Variants in CLYBL observed in about 807,000 individuals in gnomAD.
CLYBL encodes the protein citramalyl-CoA lyase.
In CLYBL, 31 loss-of-function variants were observed where a neutral mutation model predicts 38.9. The observed-to-expected ratio is 0.80, with a 90% confidence interval of 0.60 to 1.08. The LOEUF (loss-of-function observed/expected upper bound fraction) is 1.08, where lower values mean the gene tolerates loss of function less well. CLYBL is among the 50% of genes least tolerant of loss of function. The probability of loss-of-function intolerance (pLI) is 0.00; values close to 1 mark genes in which losing one functional copy is unlikely to be tolerated. For missense variants in CLYBL, 434 were observed against 411.6 expected (o/e 1.05, Z -0.47); for synonymous variants, 171 against 158.6 (o/e 1.08, Z -0.59).
intron 2 of CLYBL, among the ~76,000 whole-genome samples, chr13:99,818,304 T>C (rs1173145130): frequency 6.6e-6 from 1 of 152,092 alleles, no homozygotes; most frequent in Non-Finnish European, 1.5e-5. Context: ...TACTTCTAGC[T>C]CCTGCCCACA....
chr13:99,668,619 A>C (rs1010008752), intron 1 of CLYBL, among the ~76,000 whole-genome samples: 1 of 151,820 alleles, frequency 6.6e-6, no homozygotes, highest in Non-Finnish European at 1.5e-5. Flanking sequence ...AATATTGGCT[A>C]TTTGAGCAAG....
chr13:99,823,134 T>C (rs901659983), intron 2 of CLYBL, among the ~76,000 whole-genome samples: 1 of 152,232 alleles, frequency 6.6e-6, no homozygotes, highest in African/African-American at 2.4e-5. Context: ...TTGCCTTGAA[T>C]TTATTTATTT....
chr13:99,833,016 ATATATATATATATATTTTTTTTT>A (rs1566345707), intron 2 of CLYBL, among the ~76,000 whole-genome samples: 2 of 32,780 alleles, frequency 6.1e-5, no homozygotes, highest in Non-Finnish European at 1.2e-4. Context: ...ACATATATAT[ATATATATATATATATTTTTTTTT>A]TTTTTTTTTT....
intron 1 of CLYBL, among the ~76,000 whole-genome samples, chr13:99,660,797 C>T (rs78611336): frequency 0.011 from 1,607 of 152,086 alleles, 35 homozygotes; most frequent in African/African-American, 0.037. Context: ...ATAATTGTTT[C>T]TTTCAATCAC....
intron 7 of CLYBL, among the ~76,000 whole-genome samples, chr13:99,872,008 A>G (rs1221158777): frequency 6.7e-6 from 1 of 150,032 alleles, no homozygotes; most frequent in African/African-American, 2.5e-5. Flanking sequence ...AAAAAAAAAG[A>G]AAAAGAAAAA....
intron 1 of CLYBL, among the ~76,000 whole-genome samples, chr13:99,731,503 TA>T (rs11305509): frequency 0.6 from 86,069 of 143,300 alleles, 26,254 homozygotes; most frequent in African/African-American, 0.76. Flanking sequence ...CTGCTTATAT[TA>T]AAAAAAAAAA....
chr13:99,833,786 T>C (rs2050874376), intron 2 of CLYBL, among the ~76,000 whole-genome samples: 1 of 146,894 alleles, frequency 6.8e-6, no homozygotes, highest in Non-Finnish European at 1.5e-5. Context: ...AACTCCCTGG[T>C]TCAAGTGCCT....
At chr13:99,683,408 A>G (rs1566608990) in intron 1 of CLYBL, among the ~76,000 whole-genome samples, 1 of 152,132 alleles carries the variant, frequency 6.6e-6, no homozygotes, top group Non-Finnish European at 1.5e-5. Flanking sequence ...TTTTAACTTT[A>G]TGACTCTTTT....
intron 1 of CLYBL, among the ~76,000 whole-genome samples, chr13:99,663,378 C>T (rs1196264051): frequency 6.6e-6 from 1 of 152,192 alleles, no homozygotes; most frequent in Non-Finnish European, 1.5e-5. Flanking sequence ...CAGTAGTTCT[C>T]CCTGAGCAGT....
At chr13:99,684,702 C>T (rs1202615387) in intron 1 of CLYBL, among the ~76,000 whole-genome samples, 1 of 152,070 alleles carries the variant, frequency 6.6e-6, no homozygotes, top group African/African-American at 2.4e-5. Context: ...TCTACCAGTC[C>T]GATGATGCAG....
At position 99,814,951 on chromosome 13, in the gene CLYBL, C is replaced by T. The variant is rs575200649; in HGVS notation, c.249+41941C>T. On this transcript the variant is annotated intron_variant, in intron 2 of 8. Coordinates refer to ENST00000339105, the MANE Select transcript of CLYBL (RefSeq NM_206808.5). ...GAAGCTGAGGCAGGAGAATGGAGCC[C>T]AGGAGGTCAAGACTGCGGTGAGCCA... Among the ~76,000 whole-genome samples the T allele has an allele frequency of 1.6e-4, 24 of 152,100 alleles. No homozygotes were observed. In the South Asian group the frequency reaches 4.8e-3, roughly 30 times the overall value.
At chr13:99,767,351 GCTTA>G (rs2049289224) in intron 1 of CLYBL, among the ~76,000 whole-genome samples, 1 of 152,160 alleles carries the variant, frequency 6.6e-6, no homozygotes, top group Non-Finnish European at 1.5e-5. Context: ...ACTAAAGCCA[GCTTA>G]CTTCTATGCC....
At chr13:99,775,668 C>A (rs890636572) in intron 2 of CLYBL, among the ~76,000 whole-genome samples, 1 of 151,946 alleles carries the variant, frequency 6.6e-6, no homozygotes, top group African/African-American at 2.4e-5. Flanking sequence ...ACCACCATAC[C>A]CAGCTAATTG....
chr13:99,649,063 A>AT (rs978319599), intron 1 of CLYBL, among the ~76,000 whole-genome samples: 1 of 151,742 alleles, frequency 6.6e-6, no homozygotes, highest in African/African-American at 2.4e-5. Flanking sequence ...AACGTAAATC[A>AT]TTTTTCTCGG....
chr13:99,877,036 G>C (rs1360191491), intron 7 of CLYBL, among the ~76,000 whole-genome samples: 1 of 152,152 alleles, frequency 6.6e-6, no homozygotes, highest in Non-Finnish European at 1.5e-5. Flanking sequence ...TCTAGGCTCT[G>C]TTCACTGCAA....
At chr13:99,686,512 CAGAGAGAG>C (rs34750084) in intron 1 of CLYBL, among the ~76,000 whole-genome samples, 2 of 150,102 alleles carry the variant, frequency 1.3e-5, no homozygotes, top group South Asian at 2.1e-4. Context: ...TTTGTTTCAA[CAGAGAGAG>C]AGAGAGAGAG....
At chr13:99,828,464 T>G (rs1433162047) in intron 2 of CLYBL, among the ~76,000 whole-genome samples, 1 of 152,234 alleles carries the variant, frequency 6.6e-6, no homozygotes. Context: ...TGGGAATTAT[T>G]TTTAAGCACT....
At chr13:99,717,458 GAATT>G (rs2139515786) in intron 1 of CLYBL, among the ~76,000 whole-genome samples, 1 of 117,816 alleles carries the variant, frequency 8.5e-6, no homozygotes, top group Admixed American at 8.6e-5. Flanking sequence ...AAAAAAAAAA[GAATT>G]ATTTTTTATT....
chr13:99,633,031 G>C (rs1056788615), intron 1 of CLYBL, among the ~76,000 whole-genome samples: 1 of 151,922 alleles, frequency 6.6e-6, no homozygotes, highest in African/African-American at 2.4e-5. Flanking sequence ...CTTGAGGCCA[G>C]GAATTCATGA....
Sources: allele counts gnomAD v4.1 joint callset (sites outside exome capture counted in the v4.1 genomes callset), GRCh38; gene constraint gnomAD v4.1.1; transcripts MANE v1.5; gene names NCBI Gene and HGNC (gene_info 2026-07-23, HGNC 2026-07-21).